The following DDX11 variants were observed in gnomAD, a reference collection of about 807,000 sequenced individuals.
DDX11 encodes the protein DEAD/H-box helicase 11.
Under a neutral mutation model 125.2 loss-of-function variants are expected in DDX11, and 72 were observed. That is an observed-to-expected ratio of 0.58 (90% CI 0.48 to 0.70). DDX11 has a LOEUF of 0.70. DDX11 is among the 30% of genes least tolerant of loss of function. The probability of loss-of-function intolerance (pLI) is 0.00; values close to 1 mark genes in which losing one functional copy is unlikely to be tolerated. For synonymous variants in DDX11, 347 were observed against 452.6 expected, an observed-to-expected ratio of 0.77 and a Z score of 2.96; for missense variants, 883 against 1,165.0, an observed-to-expected ratio of 0.76 and a Z score of 3.52.
intron 18 of DDX11, 139 bp downstream of exon 18, chr12:31,098,136 G>A (rs2909390): frequency 0.46 from 255,098 of 551,698 alleles, 65,546 homozygotes; most frequent in East Asian, 0.82. Flanking sequence ...AGTGGTGTCC[G>A]CTGGGTGACA....
Position 31,084,073 on chromosome 12 carries a change from G to A in DDX11, c.393+12G>A. On this transcript the variant is annotated intron_variant, in intron 3 of 26. Transcript: ENST00000542838. ...TGGACCGACTAAAGGTGAGACCTGG[G>A]GTATCCGGAAGTGGGAGTACTGGAG... 3.1e-6 allele frequency: 5 copies of A among 1,613,760 alleles called. No homozygotes were observed. The highest frequency in any genetic ancestry group is 1.3e-5 in the African/African-American group (1 of 75,030).
At chr12:31,078,352 A>T (rs779342078) in intron 1 of DDX11, 38 bp from the exon 2 acceptor site, 1 of 1,599,698 alleles carries the variant, frequency 6.3e-7, no homozygotes, top group African/African-American at 1.3e-5. Context: ...TTCCTGGACC[A>T]TGAGAGAGCT....
In DDX11 at chr12:31,099,080, C is replaced by CTTTTTTTTT. The variant is rs1467965765; in HGVS notation, c.1875+1086_1875+1087insTTTTTTTTT. Among the ~76,000 whole-genome samples, 324 of 81,150 alleles carry CTTTTTTTTT rather than the reference C, an allele frequency of 4.0e-3. 40 individuals are homozygous for CTTTTTTTTT. Among genetic ancestry groups the CTTTTTTTTT allele is most frequent in the African/African-American group, 0.011 (180 of 15,794 alleles). The allele number at this position is 81,150 out of a possible 152,430, so 53.2% of individuals were successfully genotyped here. ...AATCCATACTGGTATTTCTTTCTTT[C>CTTTTTTTTT]TTTCTTTTTTTTTTTTTTTTTTTTT... On this transcript the variant is annotated intron_variant, in intron 18 of 26. Coordinates refer to ENST00000542838, the MANE Select transcript of DDX11 (RefSeq NM_030653.4).
intron 9 of DDX11, 31 bp downstream of exon 9, chr12:31,090,125 C>G (rs764254068): frequency 1.3e-6 from 2 of 1,549,044 alleles, no homozygotes; most frequent in South Asian, 2.4e-5. Flanking sequence ...GAAAGCCGCT[C>G]TTGACTCTCA....
intron 23 of DDX11, 137 bp from the exon 24 acceptor site, chr12:31,102,799 A>G (rs1946621215): frequency 1.3e-6 from 1 of 794,866 alleles, no homozygotes; most frequent in Non-Finnish European, 2.1e-6. Context: ...GGTGGTAGGT[A>G]CAGAGTGGAG....
intron 5 of DDX11, among the ~76,000 whole-genome samples, chr12:31,087,401 G>A (rs1250196720): frequency 6.6e-6 from 1 of 152,182 alleles, no homozygotes; most frequent in Non-Finnish European, 1.5e-5. Flanking sequence ...GAGAGGAAGC[G>A]ATTTTGAATG....
Position 31,097,898 on chromosome 12 carries a change from G to C in DDX11, c.1776G>C (p.Gln592His), listed in dbSNP as rs1221238168. The C allele has an allele frequency of 8.1e-6, 13 of 1,612,946 alleles. No individual in the cohort carries two copies. The South Asian group carries it at 1.4e-4, about 18-fold the overall frequency. Residue 592 changes from glutamine to histidine, a missense_variant, in exon 18 of 27, where the codon CAG becomes CAC. Gln to His is a conservative substitution (Grantham distance 24). This residue lies in a region of DDX11 where 241 missense variants were observed against 279.7 expected (regional missense o/e 0.86). Transcript: ENST00000542838. ...CTGTTTTTCCAGGCAGCCTCAGTCA[G>C]AGCACCCTGAAGTTTTTGCTCCTGA... ...VILSRQGSLS[Q>H]STLKFLLLNP... is the part of the protein sequence containing the mutation.
Position 31,078,387 on chromosome 12 carries a change from T to G in DDX11, c.-4-3T>G. ...TCCCTAATGTTGTATTTATTTTTCC[T>G]AGGTCCATGGCTAATGAAACACAGA... On this transcript the variant is annotated splice_region_variant and splice_polypyrimidine_tract_variant and intron_variant, in intron 1 of 26. Coordinates refer to ENST00000542838, the MANE Select transcript of DDX11 (RefSeq NM_030653.4). 1 of 1,609,998 alleles carries G rather than the reference T, an allele frequency of 6.2e-7. No homozygotes were observed.
intron 2 of DDX11, among the ~76,000 whole-genome samples, chr12:31,081,134 T>G (rs1941845323): frequency 6.6e-6 from 1 of 152,216 alleles, no homozygotes; most frequent in African/African-American, 2.4e-5. Context: ...TGCGTCTTCT[T>G]CCTCTGCTCA....
chr12:31,101,287 T>A (rs6487974), intron 20 of DDX11, 157 bp downstream of exon 20: 28 of 686,720 alleles, frequency 4.1e-5, no homozygotes, highest in Admixed American at 2.9e-4. Context: ...GGCGTCGATC[T>A]AGATGCTTAT....
rs754894730 is a variant in DDX11, at chr12:31,102,546, C to T, written c.2372+19C>T. 1.6e-5 allele frequency: 25 copies of T among 1,608,652 alleles called. No homozygotes were observed. Among genetic ancestry groups the T allele is most frequent in the South Asian group, 8.8e-5 (8 of 90,916 alleles). On this transcript the variant is annotated intron_variant, in intron 23 of 26. Transcript: ENST00000542838. ...TAGGCCGGTAAGTAGTGGTTCTGCT[C>T]GTCTCCTGGGCCGTGATACATGGCC...
rs1265828437 is a variant in DDX11 at position 31,093,344 on chromosome 12, G to A, written c.1369+20G>A. ...TAGGGGGTGAGAGCCTCGTCCCCCT[G>A]CTGACCCCGGGCCTGCAAAACTCGC... On this transcript the variant is annotated intron_variant, in intron 12 of 26. Transcript: ENST00000542838. 1.2e-6 allele frequency: 2 copies of A among 1,613,682 alleles called. No homozygotes were observed. The highest frequency in any genetic ancestry group is 3.3e-5 in the Admixed American group (2 of 59,970).
At position 31,097,476 on chromosome 12, in the gene DDX11, C is replaced by G. The variant is rs1002417125; in HGVS notation, c.1763-409C>G. ...GGGGCGGATCGTGAGTTCAGGAGAT[C>G]GAGACCATCCTGGCTAACACAGTGA... On this transcript the variant is annotated intron_variant, in intron 17 of 26. Transcript: ENST00000542838. Among the ~76,000 whole-genome samples the G allele has an allele frequency of 8.7e-5, 13 of 150,008 alleles. No individual in the cohort carries two copies. In the South Asian group the frequency reaches 1.3e-3, roughly 15 times the overall value.
chr12:31,082,676 G>GTC (rs1942206002), intron 2 of DDX11, among the ~76,000 whole-genome samples: 1 of 151,792 alleles, frequency 6.6e-6, no homozygotes, highest in African/African-American at 2.4e-5. Context: ...TCCTTGTGGC[G>GTC]CTCCCTGAAG....
At chr12:31,086,306 G>A (rs1257185007) in intron 5 of DDX11, 135 of 392,658 alleles carry the variant, frequency 3.4e-4, no homozygotes, top group African/African-American at 9.9e-4. Context: ...GGCTGGGCTC[G>A]AGCTGCTTCA....
chr12:31,094,758 C>T lies in DDX11; in HGVS notation c.1418C>T (p.Thr473Met), dbSNP rs761907614. The T allele has an allele frequency of 1.4e-5, 22 of 1,611,954 alleles. No individual in the cohort carries two copies. In the Middle Eastern group the frequency reaches 4.9e-4, roughly 36 times the overall value. Reference sequence around the variant, plus strand: ...CCCTTCATGTGTTTGTTCTCAGGGACGGAGCTGAAGACCATCAACGACTTT... The same window carrying T: ...CCCTTCATGTGTTTGTTCTCAGGGATGGAGCTGAAGACCATCAACGACTTT... ...PNTQSLSQTGTELKTINDFLF... is the reference protein window; with the variant it reads ...PNTQSLSQTGMELKTINDFLF... The change falls in exon 14 of 27, where the codon ACG becomes ATG. Residue 473 changes from threonine to methionine, a missense_variant. Thr to Met is a moderately conservative substitution (Grantham distance 81). Coordinates refer to ENST00000542838, the MANE Select transcript of DDX11 (RefSeq NM_030653.4).
intron 2 of DDX11, among the ~76,000 whole-genome samples, chr12:31,081,433 T>G (rs1448843277): frequency 6.6e-6 from 1 of 152,154 alleles, no homozygotes; most frequent in Admixed American, 6.5e-5. Flanking sequence ...TCCTTGATAG[T>G]CACCTTTTAA....
In DDX11 at chr12:31,103,512, C is replaced by T. The variant is rs377371629; in HGVS notation, c.2537-65C>T. The T allele has an allele frequency of 2.5e-5, 41 of 1,612,084 alleles. 1 individual carries two copies. The South Asian group carries it at 3.3e-4, about 13-fold the overall frequency. On this transcript the variant is annotated intron_variant, in intron 25 of 26. Transcript: ENST00000542838. Reference sequence around the variant, plus strand: ...AGTCTGAGGAAGGGGAGGGGGTCGCCGTGGGAATGTGCTGTAGGGGGGAGG... The same window carrying T: ...AGTCTGAGGAAGGGGAGGGGGTCGCTGTGGGAATGTGCTGTAGGGGGGAGG...
intron 25 of DDX11, 46 bp from the exon 26 acceptor site, chr12:31,103,531 G>C (rs754590867): frequency 2.5e-5 from 41 of 1,613,556 alleles, no homozygotes; most frequent in Admixed American, 1.3e-4. Flanking sequence ...GTGCTGTAGG[G>C]GGGAGGCAGG....
Sources: gnomAD v4.1 joint callset for allele counts (sites outside exome capture counted in the v4.1 genomes callset) on GRCh38, gnomAD v4.1.1 for gene constraint, gnomAD v4.1.1 regional missense constraint, MANE v1.5 for transcripts, NCBI Gene and HGNC (gene_info 2026-07-23, HGNC 2026-07-21) for gene names.